Variants in CA10 observed in about 807,000 individuals in gnomAD.
The protein encoded by CA10 is carbonic anhydrase-related protein 10.
In CA10, 14 loss-of-function variants were observed where a neutral mutation model predicts 44.2. That is an observed-to-expected ratio of 0.32 (90% CI 0.21 to 0.50). The LOEUF (loss-of-function observed/expected upper bound fraction) is 0.50. CA10 is among the 20% of genes least tolerant of loss of function. The pLI, the probability that CA10 is intolerant of heterozygous loss-of-function variation, is 0.99. For missense variants in CA10, 350 were observed against 409.7 expected, an observed-to-expected ratio of 0.85 and a Z score of 1.26; for synonymous variants, 159 against 141.6, an observed-to-expected ratio of 1.12 and a Z score of -0.87.
At chr17:52,072,090 C>T (rs1385400417) in intron 2 of CA10, among the ~76,000 whole-genome samples, 1 of 152,202 alleles carries the variant, frequency 6.6e-6, no homozygotes, top group Non-Finnish European at 1.5e-5. Context: ...CATCCATCCC[C>T]CTGCCCCTGA....
intron 3 of CA10, among the ~76,000 whole-genome samples, chr17:51,881,700 G>A (rs1371724903): frequency 6.6e-6 from 1 of 152,164 alleles, no homozygotes; most frequent in African/African-American, 2.4e-5. Context: ...CACAAATTCA[G>A]TCAATAATGA....
rs1169099513 is a variant in CA10 at position 51,679,513 on chromosome 17, G to T, written c.466-25777C>A. On this transcript the variant is annotated intron_variant, in intron 4 of 8. Coordinates refer to ENST00000451037, the MANE Select transcript of CA10 (RefSeq NM_020178.5). ...CCTGACCTCGTGATCTGCCCGCCTT[G>T]GCCTCCCAAAGTGCTGGGATTACAG... 4.7e-5 allele frequency among the ~76,000 whole-genome samples: 7 copies of T among 149,846 alleles called. No homozygotes were observed. The East Asian group carries it at 1.4e-3, about 30-fold the overall frequency.
At chr17:51,933,628 A>C (rs1038929245) in intron 2 of CA10, among the ~76,000 whole-genome samples, 1 of 152,122 alleles carries the variant, frequency 6.6e-6, no homozygotes, top group Non-Finnish European at 1.5e-5. Flanking sequence ...GCAGTAACGG[A>C]AAAGTAATAC....
At chr17:52,080,755 T>C (rs1987953561) in intron 1 of CA10, among the ~76,000 whole-genome samples, 1 of 152,144 alleles carries the variant, frequency 6.6e-6, no homozygotes, top group South Asian at 2.1e-4. Context: ...TTGTCTACTT[T>C]TTCTTGACCT....
In CA10 at chr17:51,635,910, T is replaced by C. The variant is rs745681512; in HGVS notation, c.734A>G (p.Tyr245Cys). Residue 245 changes from tyrosine to cysteine, a missense_variant, in exon 7 of 9, where the codon TAT becomes TGT. By Grantham distance (194) the Tyr-to-Cys change is radical (BLOSUM62 -2). Transcript: ENST00000451037. ...CATTATGATCCAACTTGCTGTCTCA[T>C]AGCAGGGTGGGATAGTCATCGACCC... The part of the protein sequence containing the change: ...YDGSMTIPPC[Y>C]ETASWIIMNK... 64 of 1,609,516 alleles carry C rather than the reference T, an allele frequency of 4.0e-5. No individual in the cohort carries two copies. The highest frequency in any genetic ancestry group is 4.9e-5 in the Non-Finnish European group (58 of 1,177,004).
chr17:51,736,464 A>G (rs1198309717), intron 4 of CA10, among the ~76,000 whole-genome samples: 1 of 152,224 alleles, frequency 6.6e-6, no homozygotes, highest in Admixed American at 6.5e-5. Context: ...AACTGGTGCC[A>G]GGATGCTAAG....
At chr17:51,811,636 T>G (rs1184884517) in intron 3 of CA10, among the ~76,000 whole-genome samples, 2 of 152,196 alleles carry the variant, frequency 1.3e-5, no homozygotes, top group African/African-American at 4.8e-5. Context: ...TATGGCTGCA[T>G]AGTATTCCAT....
intron 2 of CA10, among the ~76,000 whole-genome samples, chr17:52,055,915 T>C (rs1987215043): frequency 6.6e-6 from 1 of 152,110 alleles, no homozygotes; most frequent in African/African-American, 2.4e-5. Context: ...TGATATTAGC[T>C]ACACCCTGTG....
At chr17:51,709,413 C>T (rs1915863061) in intron 4 of CA10, among the ~76,000 whole-genome samples, 3 of 152,162 alleles carry the variant, frequency 2.0e-5, no homozygotes, top group African/African-American at 7.2e-5. Context: ...GAATGCTTCT[C>T]TGGGAAGGGA....
At chr17:51,922,270 G>T (rs1982263438) in intron 3 of CA10, among the ~76,000 whole-genome samples, 3 of 152,136 alleles carry the variant, frequency 2.0e-5, no homozygotes, top group African/African-American at 4.8e-5. Flanking sequence ...GATAATCTTG[G>T]TTCATTTTGA....
intron 3 of CA10, among the ~76,000 whole-genome samples, chr17:51,920,841 C>A (rs566571990): frequency 2.6e-5 from 4 of 152,124 alleles, no homozygotes; most frequent in Non-Finnish European, 5.9e-5. Flanking sequence ...TGAAATCTTC[C>A]GCTCCCTGCA....
chr17:51,685,106 T>C (rs568096743), intron 4 of CA10, among the ~76,000 whole-genome samples: 4 of 152,168 alleles, frequency 2.6e-5, no homozygotes, highest in African/African-American at 4.8e-5. Flanking sequence ...AAAATACAAA[T>C]ATATGTTTGA....
chr17:52,046,352 T>A (rs1441702664), intron 2 of CA10, among the ~76,000 whole-genome samples: 1 of 150,826 alleles, frequency 6.6e-6, no homozygotes, highest in African/African-American at 2.4e-5. Flanking sequence ...ATAAAAGGTA[T>A]AAATTATCAA....
intron 3 of CA10, among the ~76,000 whole-genome samples, chr17:51,826,443 T>C (rs1908012637): frequency 6.6e-6 from 1 of 152,172 alleles, no homozygotes; most frequent in Admixed American, 6.5e-5. Flanking sequence ...TCACGGGCTG[T>C]TGTGACAGCA....
At chr17:51,879,479 C>T (rs112993213) in intron 3 of CA10, among the ~76,000 whole-genome samples, 2,084 of 152,278 alleles carry the variant, frequency 0.014, 53 homozygotes, top group African/African-American at 0.046. Flanking sequence ...GACAGTGGAG[C>T]TGAGCACACT....
intron 2 of CA10, among the ~76,000 whole-genome samples, chr17:52,012,779 G>A (rs1245180463): frequency 6.6e-6 from 1 of 151,356 alleles, no homozygotes; most frequent in Non-Finnish European, 1.5e-5. Context: ...GAAAACTGGA[G>A]AATGATAAGT....
At chr17:51,958,457 G>A (rs1475285960) in intron 2 of CA10, among the ~76,000 whole-genome samples, 1 of 152,114 alleles carries the variant, frequency 6.6e-6, no homozygotes, top group East Asian at 1.9e-4. Flanking sequence ...ATAGCACAGG[G>A]TGAAATGTTT....
At chr17:51,659,378 C>T (rs1180724778) in intron 4 of CA10, among the ~76,000 whole-genome samples, 1 of 152,186 alleles carries the variant, frequency 6.6e-6, no homozygotes, top group Non-Finnish European at 1.5e-5. Context: ...CCTCCTGGTT[C>T]TCCAGCTTGC....
chr17:52,057,565 T>TG (rs1361219004), intron 2 of CA10, among the ~76,000 whole-genome samples: 3 of 152,056 alleles, frequency 2.0e-5, no homozygotes, highest in African/African-American at 4.8e-5. Flanking sequence ...AGTTGAGTTT[T>TG]GGGGGAGTCA....
Sources: allele counts gnomAD v4.1 joint callset (sites outside exome capture counted in the v4.1 genomes callset), GRCh38; gene constraint gnomAD v4.1.1; transcripts MANE v1.5; gene names NCBI Gene and HGNC (gene_info 2026-07-23, HGNC 2026-07-21).